The following ARHGAP26 variants were observed in gnomAD, a reference collection of about 807,000 sequenced individuals.
ARHGAP26 encodes the protein rho GTPase-activating protein 26.
In ARHGAP26, 38 loss-of-function variants were observed where a neutral mutation model predicts 104.8. The ratio of observed to expected loss-of-function variants is 0.36; its 90% CI spans 0.28 to 0.48. The LOEUF (loss-of-function observed/expected upper bound fraction) is 0.48. Ranked by LOEUF, ARHGAP26 falls within the 20% of genes least tolerant of loss-of-function variation. ARHGAP26 has a pLI of 0.99. For missense variants in ARHGAP26, 704 were observed against 947.9 expected (o/e 0.74, Z 3.38); for synonymous variants, 341 against 340.0 (o/e 1.00, Z -0.03).
chr5:142,848,808 A>G (rs535719915), intron 1 of ARHGAP26, among the ~76,000 whole-genome samples: 9 of 152,324 alleles, frequency 5.9e-5, no homozygotes, highest in African/African-American at 1.9e-4. Context: ...CTCACTATGT[A>G]ACCTAGCCAT....
Position 143,086,830 on chromosome 5 carries a change from G to A in ARHGAP26, c.1538+29083G>A, listed in dbSNP as rs1018625685. Reference sequence around the variant, plus strand: ...CTAACTTTAGTTGATATGGAGGGGGGCCACTGGACATGACTGGTTCTTCCA... The same window carrying A: ...CTAACTTTAGTTGATATGGAGGGGGACCACTGGACATGACTGGTTCTTCCA... On this transcript the variant is annotated intron_variant, in intron 17 of 22. Transcript: ENST00000645722. Among the ~76,000 whole-genome samples, 6 of 152,160 alleles carry A rather than the reference G, an allele frequency of 3.9e-5. No individual in the cohort carries two copies. The East Asian group carries it at 7.7e-4, about 20-fold the overall frequency.
intron 17 of ARHGAP26, among the ~76,000 whole-genome samples, chr5:143,105,878 A>G (rs1183382821): frequency 1.3e-5 from 2 of 152,030 alleles, no homozygotes; most frequent in Admixed American, 6.6e-5. Flanking sequence ...TTAAGTACCA[A>G]TTTTTATTTT....
At chr5:142,778,027 TGA>T (rs151026622) in intron 1 of ARHGAP26, among the ~76,000 whole-genome samples, 6,227 of 152,166 alleles carry the variant, frequency 0.041, 269 homozygotes, top group African/African-American at 0.091. Context: ...ATAGTTGAGG[TGA>T]GAGATGATGG....
At chr5:143,097,850 A>G (rs1474029005) in intron 17 of ARHGAP26, among the ~76,000 whole-genome samples, 1 of 148,544 alleles carries the variant, frequency 6.7e-6, no homozygotes, top group African/African-American at 2.5e-5. Flanking sequence ...AAATTACCCC[A>G]CGCAACCTAC....
At chr5:143,072,485 A>T (rs542868841) in intron 17 of ARHGAP26, among the ~76,000 whole-genome samples, 2 of 152,374 alleles carry the variant, frequency 1.3e-5, no homozygotes, top group African/African-American at 4.8e-5. Flanking sequence ...CATGATAACC[A>T]AAATATGGTA....
chr5:143,144,854 A>G (rs1798977775), intron 19 of ARHGAP26, among the ~76,000 whole-genome samples: 1 of 152,258 alleles, frequency 6.6e-6, no homozygotes. Context: ...ACTTACCGTC[A>G]GTAAAGATTG....
At chr5:143,098,991 T>C (rs1287711136) in intron 17 of ARHGAP26, among the ~76,000 whole-genome samples, 1 of 152,192 alleles carries the variant, frequency 6.6e-6, no homozygotes, top group Non-Finnish European at 1.5e-5. Context: ...CAGCAGAGGC[T>C]TGTTTATATG....
rs571195995 is a variant in ARHGAP26, at chr5:142,795,874, A to T, written c.154+24959A>T. 1.8e-4 allele frequency among the ~76,000 whole-genome samples: 28 copies of T among 152,262 alleles called. 1 individual carries two copies. The highest frequency in any genetic ancestry group is 6.7e-4 in the African/African-American group (28 of 41,546). ...TGATGGAATGGATAGAAATCATGTG[A>T]CCTCTCAAATCCCCAGGATCCTGAA... On this transcript the variant is annotated intron_variant, in intron 1 of 22. Transcript: ENST00000645722.
chr5:143,170,365 C>G (rs1802598708), intron 20 of ARHGAP26: 2 of 152,196 alleles, frequency 1.3e-5, no homozygotes, highest in Admixed American at 6.5e-5. Context: ...ATCCACCTCA[C>G]GAGCTTTGCA....
At chr5:142,866,379 C>T (rs943937297) in intron 1 of ARHGAP26, among the ~76,000 whole-genome samples, 1 of 152,178 alleles carries the variant, frequency 6.6e-6, no homozygotes. Context: ...CGTTATTTAA[C>T]CTCTCTGAGC....
At chr5:143,085,631 A>G (rs1037072644) in intron 17 of ARHGAP26, among the ~76,000 whole-genome samples, 2 of 152,230 alleles carry the variant, frequency 1.3e-5, no homozygotes, top group Admixed American at 6.5e-5. Context: ...AGCTGACTCT[A>G]TTCATGCTGT....
At chr5:142,955,067 C>A (rs1310591473) in intron 11 of ARHGAP26, among the ~76,000 whole-genome samples, 4 of 151,300 alleles carry the variant, frequency 2.6e-5, no homozygotes, top group African/African-American at 9.7e-5. Context: ...TCACTTGAGC[C>A]CAGCAGTTCA....
At chr5:142,904,736 G>A (rs1760876697) in intron 8 of ARHGAP26, among the ~76,000 whole-genome samples, 1 of 152,146 alleles carries the variant, frequency 6.6e-6, no homozygotes, top group Non-Finnish European at 1.5e-5. Context: ...GAAAGTGAAT[G>A]TTTTTTTCTT....
At chr5:142,829,437 T>C (rs764796704) in intron 1 of ARHGAP26, among the ~76,000 whole-genome samples, 1 of 152,228 alleles carries the variant, frequency 6.6e-6, no homozygotes, top group Non-Finnish European at 1.5e-5. Flanking sequence ...GAGATCACCT[T>C]CTTTTCCACC....
intron 11 of ARHGAP26, among the ~76,000 whole-genome samples, chr5:143,008,577 A>G (rs1778312541): frequency 6.6e-6 from 1 of 152,220 alleles, no homozygotes; most frequent in South Asian, 2.1e-4. Flanking sequence ...GCATTTGGGT[A>G]AAGATGGTGC....
intron 14 of ARHGAP26, among the ~76,000 whole-genome samples, chr5:143,049,003 C>T (rs1171387850): frequency 3.3e-5 from 5 of 151,702 alleles, no homozygotes; most frequent in Admixed American, 2.6e-4. Flanking sequence ...AGTGGAAACT[C>T]TTCTTTTTCC....
At chr5:143,089,170 G>A (rs923632454) in intron 17 of ARHGAP26, among the ~76,000 whole-genome samples, 17 of 152,002 alleles carry the variant, frequency 1.1e-4, no homozygotes, top group Admixed American at 4.6e-4. Context: ...ACTTTTTAAC[G>A]TGTCTTGGCT....
chr5:143,166,044 T>C, intron 20 of ARHGAP26: 1 of 1,323,218 alleles, frequency 7.6e-7, no homozygotes, highest in Non-Finnish European at 1.0e-6. Flanking sequence ...GGATTTGGAA[T>C]GTGTTTGGAG....
At chr5:143,028,139 G>A (rs1415869722) in intron 12 of ARHGAP26, among the ~76,000 whole-genome samples, 1 of 152,160 alleles carries the variant, frequency 6.6e-6, no homozygotes, top group Non-Finnish European at 1.5e-5. Flanking sequence ...ACCTGACTGA[G>A]CGTAGGTTTC....
Sources: allele counts gnomAD v4.1 joint callset (sites outside exome capture counted in the v4.1 genomes callset), GRCh38; gene constraint gnomAD v4.1.1; transcripts MANE v1.5; gene names NCBI Gene and HGNC (gene_info 2026-07-23, HGNC 2026-07-21).